SLC35H1: variants seen among roughly 807,000 people sequenced by gnomAD.
SLC35H1 encodes the protein solute carrier family 35 member H1.
At chr20:46,363,167 T>A in the SLC35H1 span, 2 of 152,298 alleles carry the variant, frequency 1.3e-5, no homozygotes. Context: ...GTTTTTCTTC[T>A]GCTTTTCTGG....
the SLC35H1 span, chr20:46,354,907 G>C: frequency 6.2e-7 from 1 of 1,611,590 alleles, no homozygotes; most frequent in Non-Finnish European, 8.5e-7. Flanking sequence ...AGAGAGGGAA[G>C]AGCCCCAGGA....
chr20:46,358,414 G>T, the SLC35H1 span: 1 of 1,614,170 alleles, frequency 6.2e-7, no homozygotes, highest in Non-Finnish European at 8.5e-7. Flanking sequence ...TGTAGAAGGT[G>T]ATGCCGATGG....
the SLC35H1 span, chr20:46,353,342 CGGA>C: frequency 1.4e-4 from 22 of 152,362 alleles, no homozygotes; most frequent in African/African-American, 5.3e-4. Context: ...CTTAGACTTT[CGGA>C]GGAGTCATGG....
the SLC35H1 span, among the ~76,000 whole-genome samples, chr20:46,361,944 TGCAACACC>T: frequency 1.6e-4 from 25 of 152,236 alleles, no homozygotes; most frequent in Non-Finnish European, 5.9e-5. Flanking sequence ...GCTGCAGCAC[TGCAACACC>T]GCAACACCCT....
chr20:46,350,911 G>A, the SLC35H1 span: 9 of 1,613,028 alleles, frequency 5.6e-6, no homozygotes, highest in African/African-American at 8.0e-5. Context: ...AGAAGCAGGA[G>A]GGAGCATGAT....
the SLC35H1 span, among the ~76,000 whole-genome samples, chr20:46,351,382 G>A: frequency 6.6e-6 from 1 of 152,260 alleles, no homozygotes; most frequent in African/African-American, 2.4e-5. Flanking sequence ...CTGGCCACCA[G>A]AAGACCCTTG....
the SLC35H1 span, chr20:46,355,238 C>T: frequency 1.1e-5 from 18 of 1,612,802 alleles, no homozygotes; most frequent in Admixed American, 3.3e-5. This position sits in a 1 kb window ranked among gnomAD's most constrained non-coding sequence, Gnocchi z 4.8. Context: ...ACCAGTGCCG[C>T]GCGCTGGTAG....
At chr20:46,363,545 T>C in the SLC35H1 span, among the ~76,000 whole-genome samples, 1 of 152,274 alleles carries the variant, frequency 6.6e-6, no homozygotes, top group African/African-American at 2.4e-5. Flanking sequence ...AAGTCATCTT[T>C]GACCACTTAT....
the SLC35H1 span, chr20:46,354,993 G>A: frequency 6.2e-7 from 1 of 1,613,850 alleles, no homozygotes; most frequent in South Asian, 1.1e-5. Flanking sequence ...GGCACCATCA[G>A]GTCTGGTCCG....
chr20:46,356,484 C>T, the SLC35H1 span: 1 of 1,324,758 alleles, frequency 7.5e-7, no homozygotes, highest in Non-Finnish European at 1.1e-6. Flanking sequence ...GGTGGAGTGG[C>T]TGGCCTAGCA....
chr20:46,355,011 C>G, the SLC35H1 span: 1 of 1,613,726 alleles, frequency 6.2e-7, no homozygotes, highest in South Asian at 1.1e-5. The surrounding 1 kb of genome is among the most constrained non-coding windows in gnomAD (Gnocchi z 4.8). Context: ...CCGGCCCTGC[C>G]CTGCCTCCGC....
the SLC35H1 span, chr20:46,358,268 A>T: frequency 1.1e-6 from 1 of 950,462 alleles, no homozygotes; most frequent in Non-Finnish European, 1.7e-6. Context: ...CCCAGCCGTG[A>T]CTGGCTTCCA....
the SLC35H1 span, among the ~76,000 whole-genome samples, chr20:46,357,455 G>A: frequency 6.6e-6 from 1 of 152,252 alleles, no homozygotes; most frequent in East Asian, 1.9e-4. Context: ...CAGTGCACAA[G>A]AGGCAGCAGC....
the SLC35H1 span, chr20:46,350,761 C>A: frequency 6.2e-7 from 1 of 1,614,032 alleles, no homozygotes; most frequent in Non-Finnish European, 8.5e-7. Context: ...TCTGGGTTAC[C>A]TCTGGAATGC....
the SLC35H1 span, among the ~76,000 whole-genome samples, chr20:46,362,882 T>G: frequency 2.0e-5 from 3 of 152,242 alleles, no homozygotes; most frequent in African/African-American, 7.2e-5. Context: ...TTCTCCCGCC[T>G]CAGGCTCCCG....
the SLC35H1 span, chr20:46,352,620 C>T: frequency 4.2e-4 from 63 of 151,364 alleles, no homozygotes; most frequent in Non-Finnish European, 5.6e-4. Context: ...AGCGGGATGA[C>T]GATGGGATCC....
chr20:46,357,520 G>T, the SLC35H1 span: 1 of 1,355,888 alleles, frequency 7.4e-7, no homozygotes, highest in Non-Finnish European at 1.0e-6. Context: ...GCAGGAAGAG[G>T]GGAGGGACTT....
At chr20:46,351,700 A>G in the SLC35H1 span, among the ~76,000 whole-genome samples, 1 of 152,254 alleles carries the variant, frequency 6.6e-6, no homozygotes, top group African/African-American at 2.4e-5. Context: ...CTGTGGCTCC[A>G]GGCCACTGCC....
At chr20:46,363,050 G>C in the SLC35H1 span, 1 of 152,388 alleles carries the variant, frequency 6.6e-6, no homozygotes, top group African/African-American at 2.4e-5. Context: ...ACAGGCGTGA[G>C]CCACCGTGCC....
Sources: gnomAD v4.1 joint callset for allele counts (sites outside exome capture counted in the v4.1 genomes callset) on GRCh38, gnomAD v4.1.1 for gene constraint, Gnocchi (gnomAD v3.1) non-coding constraint, MANE v1.5 for transcripts, NCBI Gene and HGNC (gene_info 2026-07-23, HGNC 2026-07-21) for gene names.